Variants in ANK1 observed in about 807,000 individuals in gnomAD.
The protein encoded by ANK1 is ankyrin 1, also known as ankyrin-1.
In ANK1, 51 loss-of-function variants were observed where a neutral mutation model predicts 210.4. That is an observed-to-expected ratio of 0.24 (90% CI 0.19 to 0.31). ANK1 has a LOEUF of 0.31. ANK1 is among the 10% of genes least tolerant of loss of function. The pLI is 1.00. For missense variants in ANK1, 2,051 were observed against 2,504.4 expected, an observed-to-expected ratio of 0.82 and a Z score of 3.86; for synonymous variants, 967 against 1,025.9, an observed-to-expected ratio of 0.94 and a Z score of 1.10.
intron 2 of ANK1, among the ~76,000 whole-genome samples, chr8:41,740,661 G>A (rs756012708): frequency 2.6e-5 from 4 of 152,104 alleles, no homozygotes; most frequent in Non-Finnish European, 5.9e-5. Context: ...CTCTGTATGC[G>A]TGCACTCTAT....
chr8:41,859,198 A>T (rs1306931899), intron 1 of ANK1, among the ~76,000 whole-genome samples: 1 of 152,230 alleles, frequency 6.6e-6, no homozygotes, highest in East Asian at 1.9e-4. Context: ...GGAGCACGGA[A>T]GGAGAGAAAG....
chr8:41,731,373 G>C (rs940659318), intron 3 of ANK1, among the ~76,000 whole-genome samples: 18 of 152,252 alleles, frequency 1.2e-4, no homozygotes, highest in African/African-American at 3.4e-4. Flanking sequence ...CAAGTGGAAG[G>C]GGGAGAGGGA....
At chr8:41,721,334 T>C (rs1172467993) in intron 9 of ANK1, among the ~76,000 whole-genome samples, 2 of 151,998 alleles carry the variant, frequency 1.3e-5, no homozygotes, top group East Asian at 1.9e-4. Flanking sequence ...GGGAGAGACC[T>C]GGAAAAGATG....
chr8:41,694,932 T>C lies in ANK1; in HGVS notation c.3116-129A>G, dbSNP rs1820405939. 9 of 1,138,112 alleles carry C rather than the reference T, an allele frequency of 7.9e-6. No homozygotes were observed. The East Asian group carries it at 2.0e-4, about 25-fold the overall frequency. 70.5% of individuals were successfully genotyped at this position (1,138,112 alleles called of 1,614,324 possible). ...CCTCCCCAGGTGCCGGGCGGCATAGTGGCCAGAAGAAGTGGCCAGAAGAAG... is the reference window on the plus strand; with the variant it reads ...CCTCCCCAGGTGCCGGGCGGCATAGCGGCCAGAAGAAGTGGCCAGAAGAAG... On this transcript the variant is annotated intron_variant, in intron 27 of 42. Coordinates refer to ENST00000289734, the MANE Select transcript of ANK1 (RefSeq NM_000037.4). This position sits in a 1 kb window ranked among gnomAD's most constrained non-coding sequence, Gnocchi z 5.7.
At chr8:41,670,304 G>A (rs1811864598) in intron 38 of ANK1, among the ~76,000 whole-genome samples, 1 of 152,150 alleles carries the variant, frequency 6.6e-6, no homozygotes, top group Non-Finnish European at 1.5e-5. Flanking sequence ...TGTTGAGTAA[G>A]TGGATGAAAT....
At chr8:41,801,695 AT>A (rs921871543), upstream of ANK1, among the ~76,000 whole-genome samples, 4 of 151,764 alleles carry the variant, frequency 2.6e-5, no homozygotes, top group Non-Finnish European at 5.9e-5. Flanking sequence ...CCCTTTGCCC[AT>A]TTTTCTGTTA....
At chr8:41,760,597 G>A (rs1323745673) in intron 1 of ANK1, among the ~76,000 whole-genome samples, 5 of 152,290 alleles carry the variant, frequency 3.3e-5, no homozygotes, top group African/African-American at 7.2e-5. Context: ...ATTGGAGTCC[G>A]TGGCCTAGAC....
intron 23 of ANK1, among the ~76,000 whole-genome samples, chr8:41,698,826 C>T (rs897225064): frequency 6.6e-6 from 1 of 150,998 alleles, no homozygotes. Context: ...GATGGAGTTT[C>T]GCTCTTGTTG....
Position 41,832,679 on chromosome 8 carries a change from C to A in ANK1, c.126+63676G>T, listed in dbSNP as rs181684706. On this transcript the variant is annotated intron_variant, in intron 1 of 42. Transcript: ENST00000265709. ...TGACCCCTCCCTGCAAGGGAGATTT[C>A]TCATCCCCCAGGGTTCCCAGAGGGT... 2.9e-3 allele frequency among the ~76,000 whole-genome samples: 441 copies of A among 152,356 alleles called. 1 individual carries two copies. Among genetic ancestry groups the A allele is most frequent in the Middle Eastern group, 6.8e-3 (2 of 294 alleles).
intron 1 of ANK1, among the ~76,000 whole-genome samples, chr8:41,869,300 T>A (rs925623654): frequency 2.0e-5 from 3 of 152,176 alleles, no homozygotes; most frequent in Non-Finnish European, 4.4e-5. Context: ...TCCTTGAACT[T>A]CACTGGACAG....
At chr8:41,670,468 GT>G (rs1485492193) in intron 38 of ANK1, among the ~76,000 whole-genome samples, 9 of 152,126 alleles carry the variant, frequency 5.9e-5, no homozygotes, top group Admixed American at 5.9e-4. Flanking sequence ...ATAAATGCTT[GT>G]TGAAGGAATG....
chr8:41,885,650 C>A (rs1818334264), intron 1 of ANK1, among the ~76,000 whole-genome samples: 1 of 152,200 alleles, frequency 6.6e-6, no homozygotes, highest in Admixed American at 6.5e-5. Context: ...CCTTCCCTGC[C>A]CACTGGCACT....
intron 37 of ANK1, among the ~76,000 whole-genome samples, chr8:41,680,572 A>T (rs1313777686): frequency 4.6e-5 from 7 of 151,938 alleles, no homozygotes; most frequent in Non-Finnish European, 5.9e-5. Flanking sequence ...TCTCAAAAAA[A>T]AAAAAAAAAA....
At chr8:41,725,988 G>T in intron 5 of ANK1, 42 bp from the exon 6 acceptor site, 1 of 1,598,424 alleles carries the variant, frequency 6.3e-7, no homozygotes. Flanking sequence ...CTCGTCTGAC[G>T]CCAGCCGCCC....
chr8:41,896,278 G>A lies in ANK1; in HGVS notation c.126+77C>T, dbSNP rs181189743. The A allele has an allele frequency of 3.6e-3, 5,303 of 1,489,300 alleles. 367 individuals are homozygous for A. The Admixed American group carries it at 0.12, about 33-fold the overall frequency. The allele number at this position is 1,489,300 out of a possible 1,614,324, so 92.3% of individuals were successfully genotyped here. A position where few individuals can be genotyped will look rare whatever the true frequency, so the allele number is the denominator to read the frequency against. ...CGGGCGCCGCGCCCCACCGCGTCCC[G>A]GGCCGCCCGACCCCTGCCCCCAGCA... On this transcript the variant is annotated intron_variant, in intron 1 of 42. Coordinates refer to the ANK1 transcript ENST00000265709.
chr8:41,872,357 G>A (rs1051692894), intron 1 of ANK1, among the ~76,000 whole-genome samples: 4 of 152,228 alleles, frequency 2.6e-5, no homozygotes, highest in Admixed American at 2.6e-4. Flanking sequence ...CGGGCCCTAA[G>A]GCGAGGCCTC....
chr8:41,661,443 A>G lies in ANK1; in HGVS notation c.*23T>C, dbSNP rs1808129563. ...GGGCAGCGTTACCTCCCGAGAGGCT[A>G]CTCCAAGGAGAGCGGCTCGGGGTCA... On this transcript the variant is annotated 3_prime_UTR_variant, in exon 42 of 43. Coordinates refer to ENST00000289734, the MANE Select transcript of ANK1 (RefSeq NM_000037.4). 6.2e-7 allele frequency: 1 copy of G among 1,613,776 alleles called. No homozygotes were observed.
intron 37 of ANK1, among the ~76,000 whole-genome samples, chr8:41,680,920 C>T (rs1815780451): frequency 1.3e-5 from 2 of 152,216 alleles, no homozygotes; most frequent in Non-Finnish European, 2.9e-5. Flanking sequence ...TGCAGCCCCA[C>T]CACACCTGGG....
At chr8:41,808,675 T>C (rs990417980) in intron 1 of ANK1, among the ~76,000 whole-genome samples, 1 of 151,904 alleles carries the variant, frequency 6.6e-6, no homozygotes, top group Non-Finnish European at 1.5e-5. Context: ...AAAAAAATAA[T>C]AATAATAATA....
Sources: allele counts gnomAD v4.1 joint callset (sites outside exome capture counted in the v4.1 genomes callset), GRCh38; gene constraint gnomAD v4.1.1; non-coding constraint Gnocchi (gnomAD v3.1); transcripts MANE v1.5; gene names NCBI Gene and HGNC (gene_info 2026-07-23, HGNC 2026-07-21).